Variants in SYN3 observed in about 807,000 individuals in gnomAD.
SYN3 encodes synapsin-3.
SYN3 carries 35 observed loss-of-function variants against 65.8 expected under a neutral mutation model. The ratio of observed to expected loss-of-function variants is 0.53; its 90% CI spans 0.41 to 0.70. SYN3 has a LOEUF of 0.70. Among genes scored for constraint, SYN3 ranks in the 30% least tolerant of loss-of-function variants. The pLI is 0.00. For missense variants in SYN3, 680 were observed against 749.0 expected (o/e 0.91, Z 1.08); for synonymous variants, 270 against 292.9 (o/e 0.92, Z 0.80).
intron 2 of SYN3, among the ~76,000 whole-genome samples, chr22:32,989,541 T>A (rs1197510603): frequency 6.6e-6 from 1 of 152,024 alleles, no homozygotes; most frequent in Non-Finnish European, 1.5e-5. Context: ...TTAGGGTAAA[T>A]AAAGTCATCA....
At chr22:32,747,305 A>AAAAACAAAACAAAAC (rs60455960) in intron 6 of SYN3, among the ~76,000 whole-genome samples, 92,433 of 150,324 alleles carry the variant, frequency 0.61, 28,602 homozygotes, top group Middle Eastern at 0.65. Context: ...TTCCAAGACC[A>AAAAACAAAACAAAAC]AAAACAAAAC....
chr22:32,618,322 C>T (rs2059548806), intron 6 of SYN3, among the ~76,000 whole-genome samples: 1 of 152,082 alleles, frequency 6.6e-6, no homozygotes, highest in Non-Finnish European at 1.5e-5. Context: ...AAGCAATTTC[C>T]TCCCAGCACG....
At chr22:32,920,555 G>C (rs1020757579) in intron 4 of SYN3, among the ~76,000 whole-genome samples, 3 of 152,228 alleles carry the variant, frequency 2.0e-5, no homozygotes, top group Admixed American at 6.5e-5. Flanking sequence ...GACAGCTGCT[G>C]CAAATACTGG....
chr22:32,575,045 C>T (rs1473939411), intron 7 of SYN3, among the ~76,000 whole-genome samples: 1 of 152,202 alleles, frequency 6.6e-6, no homozygotes, highest in Non-Finnish European at 1.5e-5. Context: ...TACCTAGGCC[C>T]TCTTTTGACC....
chr22:32,962,511 A>G (rs1048671752), intron 3 of SYN3, among the ~76,000 whole-genome samples: 1 of 152,170 alleles, frequency 6.6e-6, no homozygotes, highest in Non-Finnish European at 1.5e-5. Context: ...AGAAACCCAA[A>G]GCCACGCGGA....
chr22:32,868,711 A>G (rs1198583595), intron 5 of SYN3, among the ~76,000 whole-genome samples: 1 of 152,118 alleles, frequency 6.6e-6, no homozygotes, highest in Non-Finnish European at 1.5e-5. Context: ...TTGGCCTCCC[A>G]AAGTGCTGGG....
At chr22:32,953,451 T>G (rs2051352027) in intron 3 of SYN3, among the ~76,000 whole-genome samples, 1 of 130,592 alleles carries the variant, frequency 7.7e-6, no homozygotes, top group African/African-American at 3.0e-5. Context: ...AGTTTTGTGT[T>G]AAATAAAGGG....
Position 32,949,415 on chromosome 22 carries a change from C to CA in SYN3, c.370-17935dup, listed in dbSNP as rs922670596. On this transcript the variant is annotated intron_variant, in intron 3 of 13. Transcript: ENST00000358763. ...TGGGAGACAGAGCGAGACTCTATGT[C>CA]AAAAAAAAAAAAAGTTTTGGGTTTT... 2.0e-3 allele frequency among the ~76,000 whole-genome samples: 280 copies of CA among 137,174 alleles called. 2 individuals are homozygous for CA. Among genetic ancestry groups the CA allele is most frequent in the African/African-American group, 4.1e-3 (155 of 37,418 alleles). The allele number at this position is 137,174 out of a possible 152,430, so 90.0% of individuals were successfully genotyped here. A position where few individuals can be genotyped will look rare whatever the true frequency, so the allele number is the denominator to read the frequency against.
chr22:32,968,638 T>G (rs1168901373), intron 3 of SYN3, among the ~76,000 whole-genome samples: 1 of 152,194 alleles, frequency 6.6e-6, no homozygotes, highest in African/African-American at 2.4e-5. Flanking sequence ...AAGCTGAGAC[T>G]TGAATCATGC....
intron 4 of SYN3, among the ~76,000 whole-genome samples, chr22:32,874,563 T>C (rs545432545): frequency 6.6e-6 from 1 of 152,350 alleles, no homozygotes; most frequent in African/African-American, 2.4e-5. Flanking sequence ...CAGAGGTCTG[T>C]GGTGGCAAGA....
chr22:32,539,652 T>C (rs2146225126), intron 8 of SYN3, among the ~76,000 whole-genome samples: 1 of 152,292 alleles, frequency 6.6e-6, no homozygotes, highest in South Asian at 2.1e-4. Flanking sequence ...GGGGAAATTC[T>C]ACACTGAAGT....
intron 6 of SYN3, among the ~76,000 whole-genome samples, chr22:32,858,555 A>G (rs1450142561): frequency 6.6e-6 from 1 of 152,178 alleles, no homozygotes; most frequent in East Asian, 1.9e-4. Flanking sequence ...CCAGGACTGC[A>G]GAGACCAGAT....
At chr22:33,054,787 T>C (rs759787875) in intron 1 of SYN3, among the ~76,000 whole-genome samples, 1 of 152,248 alleles carries the variant, frequency 6.6e-6, no homozygotes, top group Non-Finnish European at 1.5e-5. Flanking sequence ...TATTGTATGT[T>C]ATACTACATT....
At chr22:32,817,354 C>G (rs543808512) in intron 6 of SYN3, among the ~76,000 whole-genome samples, 275 of 152,272 alleles carry the variant, frequency 1.8e-3, no homozygotes, top group Non-Finnish European at 3.0e-3. Context: ...ATCCAGTGTT[C>G]TCTGAACATA....
chr22:32,904,869 T>C (rs1413325068), intron 4 of SYN3, among the ~76,000 whole-genome samples: 2 of 152,196 alleles, frequency 1.3e-5, no homozygotes, highest in South Asian at 2.1e-4. Flanking sequence ...GTCAGTGTTG[T>C]AAGGCATTCT....
chr22:32,759,205 C>T (rs552018176), intron 6 of SYN3, among the ~76,000 whole-genome samples: 50 of 152,266 alleles, frequency 3.3e-4, no homozygotes, highest in Non-Finnish European at 6.2e-4. Flanking sequence ...ATTCCCAGGC[C>T]TAGCCAGCAC....
At chr22:32,819,235 A>G (rs952538073) in intron 6 of SYN3, among the ~76,000 whole-genome samples, 52 of 152,342 alleles carry the variant, frequency 3.4e-4, no homozygotes, top group Admixed American at 2.7e-3. Flanking sequence ...TTTCACCCGC[A>G]AGGAGCTGCC....
chr22:32,842,783 G>T (rs1397568112), intron 6 of SYN3, among the ~76,000 whole-genome samples: 1 of 152,182 alleles, frequency 6.6e-6, no homozygotes, highest in Admixed American at 6.5e-5. Flanking sequence ...GGTCTAAACA[G>T]ATGATACGAT....
intron 6 of SYN3, among the ~76,000 whole-genome samples, chr22:32,740,724 G>C (rs1350289392): frequency 2.0e-5 from 3 of 152,200 alleles, no homozygotes. Flanking sequence ...TCAGATTTGA[G>C]TTCAGTTCAA....
Sources: gnomAD v4.1 joint callset for allele counts (sites outside exome capture counted in the v4.1 genomes callset) on GRCh38, gnomAD v4.1.1 for gene constraint, MANE v1.5 for transcripts, NCBI Gene and HGNC (gene_info 2026-07-23, HGNC 2026-07-21) for gene names.